The following LRRK1 variants were observed in gnomAD, a reference collection of about 807,000 sequenced individuals.
The protein encoded by LRRK1 is leucine rich repeat kinase 1.
A neutral mutation model predicts 209.1 loss-of-function variants in LRRK1; 113 were observed. That is an observed-to-expected ratio of 0.54 (90% CI 0.46 to 0.63). The LOEUF is 0.63. Ranked by LOEUF, LRRK1 falls within the 30% of genes least tolerant of loss-of-function variation. The pLI is 0.00. For missense variants in LRRK1, 2,284 were observed against 2,632.2 expected (o/e 0.87, Z 2.89); for synonymous variants, 1,144 against 1,099.7 (o/e 1.04, Z -0.80).
chr15:101,030,368 C>T (rs1050892824), intron 20 of LRRK1, among the ~76,000 whole-genome samples: 8 of 152,174 alleles, frequency 5.3e-5, no homozygotes, highest in Admixed American at 5.2e-4. Context: ...ATTCAGCTGC[C>T]TTGGTCCTCC....
In LRRK1 at chr15:101,022,588, G is replaced by A. The variant is rs11247253; in HGVS notation, c.2058G>A (p.Ser686=). ...GGGAGCTCCAGAGGCCGGCTGGCTC[G>A]AGAGCCAAGGTCAAGGATGGTCTGC... ...TKWELQRPAG[S]RAKVESVEFN... The change falls in exon 15 of 34, where the codon TCG becomes TCA. Residue 686 remains serine, a synonymous_variant. Transcript: ENST00000388948. This position sits in a 1 kb window ranked among gnomAD's most constrained non-coding sequence, Gnocchi z 4.0. 0.83 allele frequency: 1,338,968 copies of A among 1,608,178 alleles called. 564,961 individuals carry two copies. The highest frequency in any genetic ancestry group is 0.89 in the South Asian group (81,115 of 90,882).
intron 2 of LRRK1, among the ~76,000 whole-genome samples, chr15:100,957,068 A>G (rs759834270): frequency 1.4e-4 from 22 of 152,140 alleles, no homozygotes; most frequent in Non-Finnish European, 2.8e-4. Flanking sequence ...GTTCAGGAGT[A>G]TGTGGTTTAA....
At chr15:100,982,286 G>A (rs2031646402) in intron 3 of LRRK1, among the ~76,000 whole-genome samples, 1 of 152,244 alleles carries the variant, frequency 6.6e-6, no homozygotes, top group Non-Finnish European at 1.5e-5. Flanking sequence ...CCCACAGGAG[G>A]CAGCCAGCTT....
intron 2 of LRRK1, among the ~76,000 whole-genome samples, chr15:100,928,132 C>T (rs555870463): frequency 3.9e-5 from 6 of 152,238 alleles, no homozygotes; most frequent in East Asian, 3.9e-4. Flanking sequence ...TGCATCCAGA[C>T]GAATAATATT....
chr15:101,010,270 C>T (rs567593661), intron 7 of LRRK1, among the ~76,000 whole-genome samples, 180 bp from the exon 8 acceptor site: 1 of 152,280 alleles, frequency 6.6e-6, no homozygotes, highest in South Asian at 2.1e-4. Flanking sequence ...CTACACAGGA[C>T]ACAGTAAGAG....
rs138683518 is a variant in LRRK1, at chr15:100,980,553, A to G, written c.262-2975A>G. On this transcript the variant is annotated intron_variant, in intron 3 of 33. Coordinates refer to ENST00000388948, the MANE Select transcript of LRRK1 (RefSeq NM_024652.6). ...TACATGTGTGACAAAATGCAGAACT[A>G]TATACATACATTGTACTAACGTCAA... Among the ~76,000 whole-genome samples the G allele has an allele frequency of 2.8e-4, 43 of 152,318 alleles. No homozygotes were observed. In the East Asian group the frequency reaches 6.0e-3, roughly 21 times the overall value.
intron 2 of LRRK1, among the ~76,000 whole-genome samples, chr15:100,945,705 C>G (rs1342103375): frequency 6.6e-6 from 1 of 151,904 alleles, no homozygotes; most frequent in African/African-American, 2.4e-5. Context: ...GTTGGCCAGG[C>G]TGGTCTCAAA....
chr15:101,050,900 G>A (rs2035390619), intron 23 of LRRK1: 1 of 152,430 alleles, frequency 6.6e-6, no homozygotes, highest in Non-Finnish European at 1.5e-5. Flanking sequence ...GAACCCTTCT[G>A]GGCACTTTGC....
chr15:100,986,207 C>A (rs1275042365), intron 4 of LRRK1, among the ~76,000 whole-genome samples: 3 of 151,898 alleles, frequency 2.0e-5, no homozygotes, highest in African/African-American at 7.3e-5. Context: ...CTGTCTCAAA[C>A]AAAAAACAAA....
chr15:101,009,195 GCCTAC>G, intron 7 of LRRK1, 132 bp downstream of exon 7: 1 of 721,796 alleles, frequency 1.4e-6, no homozygotes, highest in Non-Finnish European at 2.3e-6. Context: ...AAGGAGTTTT[GCCTAC>G]CCTGAGGCAA....
intron 11 of LRRK1, 31 bp downstream of exon 11, chr15:101,014,459 T>G: frequency 6.9e-7 from 1 of 1,448,598 alleles, no homozygotes; most frequent in East Asian, 2.3e-5. Context: ...CCTGGCCAGT[T>G]CCAAAGCGTG....
chr15:101,009,713 G>A (rs1045078647), intron 7 of LRRK1, among the ~76,000 whole-genome samples: 17 of 151,928 alleles, frequency 1.1e-4, no homozygotes, highest in African/African-American at 3.6e-4. Context: ...TCAGCCTCCC[G>A]AGTAACTGGG....
At chr15:100,954,142 C>T (rs2042709244) in intron 2 of LRRK1, among the ~76,000 whole-genome samples, 1 of 152,162 alleles carries the variant, frequency 6.6e-6, no homozygotes. Context: ...TCTCGAACTC[C>T]TGACCTCGTG....
intron 31 of LRRK1, 124 bp downstream of exon 31, chr15:101,062,814 A>C (rs1054331945): frequency 1.8e-5 from 13 of 724,044 alleles, no homozygotes; most frequent in South Asian, 1.8e-4. Context: ...CCTAGGACGT[A>C]GACTTAGAGA....
intron 1 of LRRK1, among the ~76,000 whole-genome samples, chr15:100,922,703 T>A (rs2042040259): frequency 6.6e-6 from 1 of 152,186 alleles, no homozygotes; most frequent in Admixed American, 6.5e-5. Flanking sequence ...GTTTTGCTAT[T>A]TATAAGGCTT....
At position 101,077,496 on chromosome 15, in the gene LRRK1, CCT is replaced by C. The variant is rs527401323; in HGVS notation, c.*8649_*8650del. 2.6e-3 allele frequency: 389 copies of C among 152,312 alleles called. 1 individual carries two copies. Among genetic ancestry groups the C allele is most frequent in the African/African-American group, 9.3e-3 (385 of 41,568 alleles). 9.4% of individuals were successfully genotyped at this position (152,312 alleles called of 1,614,324 possible). A position where few individuals can be genotyped will look rare whatever the true frequency, so the allele number is the denominator to read the frequency against. On this transcript the variant is annotated 3_prime_UTR_variant, in exon 34 of 34. Coordinates refer to ENST00000388948, the MANE Select transcript of LRRK1 (RefSeq NM_024652.6). The stretch of plus-strand genomic sequence containing the variant: ...CCTTTGGCACTCTCTAATCAGATGT[CCT>C]GAGTCATCTCAATTCTTAGACCTTT...
Position 101,018,178 on chromosome 15 carries a change from T to TAA in LRRK1, c.1609+2793_1609+2794dup, listed in dbSNP as rs34360209. Among the ~76,000 whole-genome samples the TAA allele has an allele frequency of 4.2e-3, 535 of 126,582 alleles. 3 individuals are homozygous for TAA. The highest frequency in any genetic ancestry group is 0.015 in the African/African-American group (514 of 33,380). The allele number at this position is 126,582 out of a possible 152,430, so 83.0% of individuals were successfully genotyped here. ...TACAAAGAATGCTTACAAATTGATT[T>TAA]AAAAAAAAAAAAAAAAAAGACAACA... On this transcript the variant is annotated intron_variant, in intron 12 of 33. Transcript: ENST00000388948.
chr15:101,063,213 A>G (rs529108065), intron 31 of LRRK1, among the ~76,000 whole-genome samples: 1 of 152,188 alleles, frequency 6.6e-6, no homozygotes, highest in Admixed American at 6.5e-5. Context: ...GGCCTTTCTA[A>G]ATGAGACCCC....
Position 101,056,968 on chromosome 15 carries a change from C to T in LRRK1, c.4445C>T (p.Pro1482Leu), listed in dbSNP as rs2035845790. 4.3e-6 allele frequency: 7 copies of T among 1,614,172 alleles called. No individual in the cohort carries two copies. The highest frequency in any genetic ancestry group is 5.9e-6 in the Non-Finnish European group (7 of 1,180,024). Reference sequence around the variant, plus strand: ...AAGAAGCTGTCCAAGGGCATCCGCCCGGTTCTGGGGCAGCCGGAGGAAGTG... The same window carrying T: ...AAGAAGCTGTCCAAGGGCATCCGCCTGGTTCTGGGGCAGCCGGAGGAAGTG... Reference protein sequence around the residue: ...IAKKLSKGIRPVLGQPEEVQF... With the variant: ...IAKKLSKGIRLVLGQPEEVQF... Residue 1482 changes from proline (P) to leucine (L), a missense_variant, in exon 28 of 34, where the codon CCG becomes CTG. By Grantham distance (98) the Pro-to-Leu change is moderately conservative (BLOSUM62 -3). Transcript: ENST00000388948.
Sources: gnomAD v4.1 joint callset for allele counts (sites outside exome capture counted in the v4.1 genomes callset) on GRCh38, gnomAD v4.1.1 for gene constraint, Gnocchi (gnomAD v3.1) non-coding constraint, MANE v1.5 for transcripts, NCBI Gene and HGNC (gene_info 2026-07-23, HGNC 2026-07-21) for gene names.